KXD1: variants seen among roughly 807,000 people sequenced by gnomAD.
The protein encoded by KXD1 is KxDL motif containing 1.
Under a neutral mutation model 12.1 loss-of-function variants are expected in KXD1, and 5 were observed. The ratio of observed to expected loss-of-function variants is 0.41; its 90% CI spans 0.22 to 0.87. The LOEUF (loss-of-function observed/expected upper bound fraction) is 0.87. Among genes scored for constraint, KXD1 ranks in the 40% least tolerant of loss-of-function variants. KXD1 has a pLI of 0.31. For synonymous variants in KXD1, 98 were observed against 100.5 expected, an observed-to-expected ratio of 0.98 and a Z score of 0.15; for missense variants, 193 against 244.9, an observed-to-expected ratio of 0.79 and a Z score of 1.41.
In KXD1 at chr19:18,568,773, C is replaced by T; in HGVS notation, c.*142C>T. 2 of 637,448 alleles carry T rather than the reference C, an allele frequency of 3.1e-6. No homozygotes were observed. The allele number at this position is 637,448 out of a possible 1,614,324, so 39.5% of individuals were successfully genotyped here. A position where few individuals can be genotyped will look rare whatever the true frequency, so the allele number is the denominator to read the frequency against. On this transcript the variant is annotated 3_prime_UTR_variant, in exon 5 of 5. Coordinates refer to ENST00000222307, the MANE Select transcript of KXD1 (RefSeq NM_024069.4). Reference sequence around the variant, plus strand: ...GGCTCCTAGGGGGACAAGGCTCTCTCCCGAGGGGTGTGGAATTCCTGGGGG... The same window carrying T: ...GGCTCCTAGGGGGACAAGGCTCTCTTCCGAGGGGTGTGGAATTCCTGGGGG...
intron 2 of KXD1, 95 bp from the exon 3 acceptor site, chr19:18,564,774 A>G (rs1975119892): frequency 7.2e-7 from 1 of 1,397,978 alleles, no homozygotes; most frequent in Non-Finnish European, 9.9e-7. Flanking sequence ...AAGGTTGTGA[A>G]GCAGGCAAGG....
rs770040518 is a variant in KXD1, at chr19:18,568,496, C to G, written c.396C>G (p.Gly132=). ...TTIATSEQST[G]SCDTSPDTVS... ...TTGCCACCTCAGAACAGAGCACGGG[C>G]TCATGTGACACCAGCCCCGACACCG... Residue 132 remains glycine, a synonymous_variant, in exon 5 of 5, where the codon GGC becomes GGG. Coordinates refer to ENST00000222307, the MANE Select transcript of KXD1 (RefSeq NM_024069.4). 1 of 1,614,110 alleles carries G rather than the reference C, an allele frequency of 6.2e-7. No individual in the cohort carries two copies. The highest frequency in any genetic ancestry group is 1.1e-5 in the South Asian group (1 of 91,078).
At chr19:18,567,814 G>A (rs961206106) in intron 4 of KXD1, among the ~76,000 whole-genome samples, 2 of 152,212 alleles carry the variant, frequency 1.3e-5, no homozygotes, top group African/African-American at 4.8e-5. Context: ...GAGCTGGGCT[G>A]AGGGGAGGTC....
chr19:18,567,533 G>T (rs1484372557), intron 4 of KXD1, among the ~76,000 whole-genome samples: 1 of 152,224 alleles, frequency 6.6e-6, no homozygotes, highest in Non-Finnish European at 1.5e-5. Flanking sequence ...CCAGCTTCGA[G>T]GATCTGTCCC....
intron 4 of KXD1, among the ~76,000 whole-genome samples, chr19:18,567,817 G>A (rs113375916): frequency 2.6e-5 from 4 of 152,324 alleles, no homozygotes; most frequent in African/African-American, 9.6e-5. Context: ...CTGGGCTGAG[G>A]GGAGGTCATA....
rs1428817454 is a variant in KXD1, at chr19:18,565,039, C to T, written c.254+18C>T. ...CGTATCAGGTGGGTGCTCAGTGCCA[C>T]CCCAGCCCAGCTGACCTCTGCCTCC... On this transcript the variant is annotated intron_variant, in intron 3 of 4. Coordinates refer to ENST00000222307, the MANE Select transcript of KXD1 (RefSeq NM_024069.4). 6.5e-7 allele frequency: 1 copy of T among 1,534,442 alleles called. No individual in the cohort carries two copies. The highest frequency in any genetic ancestry group is 8.7e-7 in the Non-Finnish European group (1 of 1,153,328).
At chr19:18,558,177 A>T (rs1029429320) in intron 1 of KXD1, 1 of 152,392 alleles carries the variant, frequency 6.6e-6, no homozygotes, top group Non-Finnish European at 1.5e-5. Context: ...TGTGTCGTGT[A>T]ACCTGGAGCT....
chr19:18,562,237 G>T (rs1358863715), intron 2 of KXD1, 80 bp downstream of exon 2: 11 of 1,052,656 alleles, frequency 1.0e-5, no homozygotes, highest in Non-Finnish European at 1.1e-5. Flanking sequence ...GCCCCTACCC[G>T]GGGCCCACAC....
intron 3 of KXD1, 89 bp from the exon 4 acceptor site, chr19:18,567,043 C>T: frequency 8.0e-7 from 1 of 1,250,320 alleles, no homozygotes; most frequent in Non-Finnish European, 1.2e-6. Context: ...TCCCCTTGCC[C>T]TCAGCTGGCA....
At chr19:18,563,462 C>T (rs551087779) in intron 2 of KXD1, among the ~76,000 whole-genome samples, 2 of 151,446 alleles carry the variant, frequency 1.3e-5, no homozygotes, top group Admixed American at 1.3e-4. Context: ...TCTCCTGCTT[C>T]AGCCTCCTGA....
intron 4 of KXD1, 118 bp from the exon 5 acceptor site, chr19:18,568,284 G>T: frequency 4.6e-6 from 3 of 652,624 alleles, no homozygotes; most frequent in South Asian, 2.0e-5. Flanking sequence ...AAAAAAAAAA[G>T]GGTCAAGTCA....
rs1975380404 is a variant in KXD1 at position 18,568,633 on chromosome 19, C to T, written c.*2C>T. ...GACGAGGAGATGACGGGCGAATAGC[C>T]CTGCTGCCCGGTGCCTTGAGGGGGT... On this transcript the variant is annotated 3_prime_UTR_variant, in exon 5 of 5. Transcript: ENST00000222307. 1 of 1,605,732 alleles carries T rather than the reference C, an allele frequency of 6.2e-7. No homozygotes were observed.
At position 18,568,613 on chromosome 19, in the gene KXD1, G is replaced by C; in HGVS notation, c.513G>C (p.Glu171Asp). The C allele has an allele frequency of 6.2e-7, 1 of 1,610,970 alleles. No individual in the cohort carries two copies. Among genetic ancestry groups the C allele is most frequent in the African/African-American group, 1.3e-5 (1 of 75,058 alleles). Residue 171 changes from glutamate to aspartate, a missense_variant, in exon 5 of 5, where the codon GAG becomes GAC. By Grantham distance (45) the Glu-to-Asp change is conservative. Transcript: ENST00000222307. ...ACGGCCGCAGCCAGACAGATGACGA[G>C]GAGATGACGGGCGAATAGCCCTGCT... ...AINGRSQTDD[E>D]EMTGE
chr19:18,565,089 C>T (rs1975140982), intron 3 of KXD1, 68 bp downstream of exon 3: 1 of 1,579,306 alleles, frequency 6.3e-7, no homozygotes, highest in Admixed American at 1.7e-5. Flanking sequence ...GCCTCAGTTT[C>T]CTTCACATAC....
At chr19:18,562,628 A>G (rs1228419254) in intron 2 of KXD1, among the ~76,000 whole-genome samples, 1 of 152,086 alleles carries the variant, frequency 6.6e-6, no homozygotes, top group Non-Finnish European at 1.5e-5. Flanking sequence ...TGCCCAGCTA[A>G]TTTTTGTATT....
At chr19:18,564,811 A>G in intron 2 of KXD1, 58 bp from the exon 3 acceptor site, 1 of 1,596,628 alleles carries the variant, frequency 6.3e-7, no homozygotes, top group Non-Finnish European at 8.6e-7. Flanking sequence ...CTTCTGGGCC[A>G]GGTTGGGCAG....
intron 2 of KXD1, among the ~76,000 whole-genome samples, chr19:18,564,478 A>C (rs914311018): frequency 1.3e-5 from 2 of 152,028 alleles, no homozygotes; most frequent in Non-Finnish European, 2.9e-5. Flanking sequence ...AAAATTAGCC[A>C]GGCATGGTGG....
intron 3 of KXD1, among the ~76,000 whole-genome samples, chr19:18,565,531 C>A (rs908100386): frequency 6.7e-6 from 1 of 149,426 alleles, no homozygotes; most frequent in African/African-American, 2.5e-5. Flanking sequence ...TGCGCCCGGC[C>A]GAGACAGAGT....
chr19:18,568,398 C>G lies in KXD1; in HGVS notation c.302-4C>G. The G allele has an allele frequency of 6.2e-7, 1 of 1,611,316 alleles. No individual in the cohort carries two copies. The highest frequency in any genetic ancestry group is 8.5e-7 in the Non-Finnish European group (1 of 1,177,642). On this transcript the variant is annotated splice_polypyrimidine_tract_variant and splice_region_variant and intron_variant, in intron 4 of 4. Transcript: ENST00000222307. ...AAACCAACTCTTGGGCCTCCTTCCC[C>G]CAGATATCCCAGAGGCATCCTTCCT...
Sources: allele counts gnomAD v4.1 joint callset (sites outside exome capture counted in the v4.1 genomes callset), GRCh38; gene constraint gnomAD v4.1.1; transcripts MANE v1.5; gene names NCBI Gene and HGNC (gene_info 2026-07-23, HGNC 2026-07-21).